Variants in GABRB3 observed in about 807,000 individuals in gnomAD.
GABRB3 encodes gamma-aminobutyric acid type A receptor subunit beta3, also known as gamma-aminobutyric acid receptor subunit beta-3.
GABRB3 carries 14 observed loss-of-function variants against 52.1 expected under a neutral mutation model. The ratio of observed to expected loss-of-function variants is 0.27; its 90% CI spans 0.18 to 0.42. The LOEUF (loss-of-function observed/expected upper bound fraction) is 0.42. Among genes scored for constraint, GABRB3 ranks in the 10% least tolerant of loss-of-function variants. GABRB3 has a pLI of 1.00. For synonymous variants in GABRB3, 260 were observed against 232.3 expected (o/e 1.12, Z -1.08); for missense variants, 307 against 609.1 (o/e 0.50, Z 5.22).
At chr15:26,586,506 C>A (rs2140746523) in intron 4 of GABRB3, among the ~76,000 whole-genome samples, 1 of 151,216 alleles carries the variant, frequency 6.6e-6, no homozygotes, top group Non-Finnish European at 1.5e-5. Context: ...GAAGGGGAAC[C>A]TGAGGCTAGA....
chr15:26,694,809 T>C lies in GABRB3; in HGVS notation c.241-73275A>G, dbSNP rs1484145949. 2.0e-5 allele frequency among the ~76,000 whole-genome samples: 3 copies of C among 151,976 alleles called. No homozygotes were observed. The East Asian group carries it at 5.8e-4, about 29-fold the overall frequency. On this transcript the variant is annotated intron_variant, in intron 3 of 8. Coordinates refer to ENST00000311550, the MANE Select transcript of GABRB3 (RefSeq NM_000814.6). ...ATGCTTAGGGCTCTAATAGAAAAAA[T>C]GTGCACAGTATGCAAGAACAGATGG... is the stretch of plus-strand genomic sequence containing the variant.
At chr15:26,550,730 G>A (rs1007214398) in intron 8 of GABRB3, among the ~76,000 whole-genome samples, 1 of 152,204 alleles carries the variant, frequency 6.6e-6, no homozygotes, top group Non-Finnish European at 1.5e-5. Context: ...AAGGAAAGGA[G>A]CACAGATTGC....
chr15:26,622,191 G>C (rs970897211), intron 3 of GABRB3, among the ~76,000 whole-genome samples: 1 of 152,076 alleles, frequency 6.6e-6, no homozygotes, highest in Non-Finnish European at 1.5e-5. Flanking sequence ...GTCCAAGCAG[G>C]ATATGGGAGG....
At chr15:26,746,581 T>TG (rs71420031) in intron 3 of GABRB3, among the ~76,000 whole-genome samples, 6,986 of 140,162 alleles carry the variant, frequency 0.05, 173 homozygotes, top group Middle Eastern at 0.083. Context: ...GTCCGTTTTT[T>TG]GTTTTTTTTT....
intron 3 of GABRB3, among the ~76,000 whole-genome samples, chr15:26,697,928 C>T (rs141081956): frequency 1.9e-3 from 283 of 152,318 alleles, no homozygotes; most frequent in African/African-American, 6.5e-3. Context: ...TTTTATTTTT[C>T]CGTTGAATTA....
chr15:26,624,323 T>C (rs1892602041), intron 3 of GABRB3: 1 of 985,474 alleles, frequency 1.0e-6, no homozygotes, highest in Non-Finnish European at 1.2e-6. Flanking sequence ...TCACCCTCCA[T>C]GTTACACTCG....
intron 3 of GABRB3, chr15:26,642,637 A>T: frequency 2.0e-6 from 1 of 510,022 alleles, no homozygotes; most frequent in South Asian, 1.6e-5. Flanking sequence ...ACCTGCATAT[A>T]TAAGCATATA....
intron 4 of GABRB3, among the ~76,000 whole-genome samples, chr15:26,598,832 T>C (rs1473407938): frequency 6.6e-6 from 1 of 152,212 alleles, no homozygotes; most frequent in Non-Finnish European, 1.5e-5. Flanking sequence ...ATCTGGGTGG[T>C]ACTTCTGTTT....
intron 3 of GABRB3, among the ~76,000 whole-genome samples, chr15:26,754,508 A>C (rs1446342000): frequency 6.6e-6 from 1 of 152,196 alleles, no homozygotes; most frequent in African/African-American, 2.4e-5. Context: ...GAAAAATCCA[A>C]ATTAGTCCAA....
chr15:26,652,837 T>A (rs1419728395), intron 3 of GABRB3, among the ~76,000 whole-genome samples: 1 of 152,160 alleles, frequency 6.6e-6, no homozygotes, highest in Non-Finnish European at 1.5e-5. Flanking sequence ...TACAGGAAAT[T>A]GAAAATGAAT....
intron 3 of GABRB3, among the ~76,000 whole-genome samples, chr15:26,727,062 G>C (rs1889792578): frequency 6.6e-6 from 1 of 152,214 alleles, no homozygotes; most frequent in Non-Finnish European, 1.5e-5. Flanking sequence ...GGGAGGCTGA[G>C]GCAGGAGAAT....
chr15:26,660,967 G>A (rs1887523649), intron 3 of GABRB3, among the ~76,000 whole-genome samples: 1 of 152,120 alleles, frequency 6.6e-6, no homozygotes, highest in African/African-American at 2.4e-5. Context: ...ATTATTTGTA[G>A]AGGTGTGGGG....
rs1346521870 is a variant in GABRB3, at chr15:26,554,189, T to TATATATATATATATATACAC, written c.1081-6056_1081-6055insGTGTATATATATATATATAT. 3.7e-4 allele frequency among the ~76,000 whole-genome samples: 10 copies of TATATATATATATATATACAC among 27,360 alleles called. 3 individuals are homozygous for TATATATATATATATATACAC. Among genetic ancestry groups the TATATATATATATATATACAC allele is most frequent in the South Asian group, 2.5e-3 (2 of 802 alleles). The allele number at this position is 27,360 out of a possible 152,430, so 17.9% of individuals were successfully genotyped here. A position where few individuals can be genotyped will look rare whatever the true frequency, so the allele number is the denominator to read the frequency against. The stretch of plus-strand genomic sequence containing the variant: ...TATATATATAAAGTATATATATATA[T>TATATATATATATATATACAC]ACTATATATATATATATATAGTAGA... On this transcript the variant is annotated intron_variant, in intron 8 of 8. Transcript: ENST00000311550.
At chr15:26,702,079 C>T (rs540994975) in intron 3 of GABRB3, among the ~76,000 whole-genome samples, 1 of 152,246 alleles carries the variant, frequency 6.6e-6, no homozygotes, top group African/African-American at 2.4e-5. Context: ...TTCCACTATA[C>T]ATAAAAATCA....
chr15:26,772,850 G>T, intron 1 of GABRB3, 33 bp downstream of exon 1: 2 of 1,448,068 alleles, frequency 1.4e-6, no homozygotes, highest in Non-Finnish European at 9.1e-7. Context: ...CCCGCGCCCT[G>T]CCCGCCGCCC....
chr15:26,719,004 G>C lies in GABRB3; in HGVS notation c.240+53398C>G, dbSNP rs1889573927. Among the ~76,000 whole-genome samples the C allele has an allele frequency of 2.0e-5, 3 of 152,220 alleles. No individual in the cohort carries two copies. The South Asian group carries it at 6.2e-4, about 32-fold the overall frequency. On this transcript the variant is annotated intron_variant, in intron 3 of 8. Transcript: ENST00000311550. ...TGCTTCCTCCACTGCCCTTCACCAG[G>C]CCCCTCTGTGCATCTCCTCATGGTC...
intron 3 of GABRB3, among the ~76,000 whole-genome samples, chr15:26,665,178 C>T (rs1887671444): frequency 6.6e-6 from 1 of 152,158 alleles, no homozygotes; most frequent in Non-Finnish European, 1.5e-5. Context: ...TGCCACCTAT[C>T]ACTAGATCTT....
intron 6 of GABRB3, among the ~76,000 whole-genome samples, chr15:26,578,925 C>T (rs1567124736): frequency 6.6e-6 from 1 of 152,218 alleles, no homozygotes; most frequent in African/African-American, 2.4e-5. Context: ...CTCATTTCTC[C>T]CTGAGGTAAA....
At chr15:26,717,156 A>AGCCCAGCTCTGGGGACCTCCACCCT (rs1889510202) in intron 3 of GABRB3, among the ~76,000 whole-genome samples, 3 of 145,504 alleles carry the variant, frequency 2.1e-5, no homozygotes, top group Admixed American at 6.8e-5. Context: ...ACCTCCACCC[A>AGCCCAGCTCTGGGGACCTCCACCCT]ATGACAGCCC....
Sources: gnomAD v4.1 joint callset for allele counts (sites outside exome capture counted in the v4.1 genomes callset) on GRCh38, gnomAD v4.1.1 for gene constraint, MANE v1.5 for transcripts, NCBI Gene and HGNC (gene_info 2026-07-23, HGNC 2026-07-21) for gene names.